The following RNF215 variants were observed in gnomAD, a reference collection of about 807,000 sequenced individuals.
RNF215 encodes ring finger protein 215.
In RNF215, 41 loss-of-function variants were observed where a neutral mutation model predicts 44.8. The observed-to-expected ratio is 0.92, with a 90% CI of 0.71 to 1.19. RNF215 has a LOEUF of 1.19. RNF215 is among the 50% of genes most tolerant of loss of function. RNF215 has a pLI of 0.00. For synonymous variants in RNF215, 218 were observed against 230.1 expected (o/e 0.95, Z 0.48); for missense variants, 452 against 496.2 (o/e 0.91, Z 0.85).
intron 1 of RNF215, 59 bp from the exon 2 acceptor site, chr22:30,386,818 G>T: frequency 6.4e-7 from 1 of 1,560,268 alleles, no homozygotes; most frequent in Non-Finnish European, 8.6e-7. Context: ...AGGGAGCCGG[G>T]GTCATCACAG....
chr22:30,385,393 G>A (rs1369062145), intron 4 of RNF215, among the ~76,000 whole-genome samples: 4 of 146,924 alleles, frequency 2.7e-5, no homozygotes, highest in African/African-American at 7.7e-5. Flanking sequence ...CTGCACTCCA[G>A]CCTGGGTGAC....
rs1227116989 is a variant in RNF215, at chr22:30,386,621, G to A, written c.424C>T (p.Gln142Ter). 1.2e-6 allele frequency: 2 copies of A among 1,612,280 alleles called. No homozygotes were observed. Among genetic ancestry groups the A allele is most frequent in the Admixed American group, 1.7e-5 (1 of 59,916 alleles). ...CCCATAGACATCCCCTGCACCTGCT[G>A]GACCAGGGCCTTGGGATAGGCCTGC... Reference protein sequence around the residue: ...GPQAYPKALVQQMRRALFLGA... With the variant: ...GPQAYPKALV The change falls in exon 2 of 9, where the codon CAG becomes TAG. Residue 142 changes from glutamine to a stop codon, truncating the protein, a stop_gained. Coordinates refer to ENST00000382363, the MANE Select transcript of RNF215 (RefSeq NM_001017981.2). LOFTEE classifies it high-confidence loss of function.
chr22:30,380,416 A>T lies in RNF215; in HGVS notation c.745-15T>A. 1.3e-6 allele frequency: 2 copies of T among 1,594,728 alleles called. No homozygotes were observed. The highest frequency in any genetic ancestry group is 2.7e-5 in the African/African-American group (2 of 74,502). On this transcript the variant is annotated splice_polypyrimidine_tract_variant and intron_variant, in intron 5 of 8. Coordinates refer to ENST00000382363, the MANE Select transcript of RNF215 (RefSeq NM_001017981.2). The surrounding 1 kb of genome is among the most constrained non-coding windows in gnomAD (Gnocchi z 5.3). ...TGCAGGGGTTTCTGGGGAGGGAAGC[A>T]GTCATCAGGGACATGGGGCCACCCC...
intron 5 of RNF215, among the ~76,000 whole-genome samples, chr22:30,382,229 C>A (rs1402365597): frequency 6.6e-6 from 1 of 152,032 alleles, no homozygotes; most frequent in Non-Finnish European, 1.5e-5. Context: ...TGGAGAAACC[C>A]CGTCTCAACT....
chr22:30,385,014 T>C (rs1379781789), intron 4 of RNF215, among the ~76,000 whole-genome samples: 2 of 152,148 alleles, frequency 1.3e-5, no homozygotes, highest in Non-Finnish European at 1.5e-5. Context: ...AGTCTTGCCA[T>C]GTTGCCCAGG....
At chr22:30,382,404 C>CAAAA (rs796940204) in intron 5 of RNF215, among the ~76,000 whole-genome samples, 2 of 65,768 alleles carry the variant, frequency 3.0e-5, no homozygotes, top group Non-Finnish European at 3.1e-5. Context: ...AACTCTGTCT[C>CAAAA]AAAAAAAAAA....
At chr22:30,386,256 C>T in intron 2 of RNF215, 115 bp from the exon 3 acceptor site, 1 of 973,528 alleles carries the variant, frequency 1.0e-6, no homozygotes, top group Admixed American at 2.3e-5. Context: ...AAACTCTGGA[C>T]AGACTGCCAT....
Position 30,379,740 on chromosome 22 carries a change from G to A in RNF215, c.1082C>T (p.Thr361Ile), listed in dbSNP as rs149275092. 2,767 of 1,565,520 alleles carry A rather than the reference G, an allele frequency of 1.8e-3. 2 individuals are homozygous for A. Among genetic ancestry groups the A allele is most frequent in the Non-Finnish European group, 2.1e-3 (2,396 of 1,155,510 alleles). Reference protein sequence around the residue: ...CVDPWLMLQQTCPLCKFNVLG... With the variant: ...CVDPWLMLQQICPLCKFNVLG... ...GACGTTGAATTTGCACAGTGGGCAG[G>A]TCTGCTGGAGCATCAGCCAGGGGTC... The change falls in exon 8 of 9, where the codon ACC becomes ATC. Residue 361 changes from threonine (T) to isoleucine (I), a missense_variant. Thr to Ile is a moderately conservative substitution (Grantham distance 89). Coordinates refer to ENST00000382363, the MANE Select transcript of RNF215 (RefSeq NM_001017981.2).
chr22:30,383,546 C>T (rs1290583550), intron 5 of RNF215, among the ~76,000 whole-genome samples: 1 of 152,192 alleles, frequency 6.6e-6, no homozygotes, highest in Non-Finnish European at 1.5e-5. Flanking sequence ...CCTGCACAGC[C>T]CACGGTGGCC....
chr22:30,386,248 ACT>A (rs1300136709), intron 2 of RNF215, 107 bp from the exon 3 acceptor site: 1 of 1,040,274 alleles, frequency 9.6e-7, no homozygotes, highest in Non-Finnish European at 1.4e-6. Flanking sequence ...AGTGAGCAAA[ACT>A]CTGGACAGAC....
chr22:30,384,775 T>C, intron 4 of RNF215: 1 of 332,558 alleles, frequency 3.0e-6, no homozygotes, highest in South Asian at 5.8e-5. Context: ...CTCCTTCCCA[T>C]CCCCTCACCC....
chr22:30,380,129 G>A lies in RNF215; in HGVS notation c.941C>T (p.Ala314Val), dbSNP rs760311149. ...AGCACCCGGATCTGGGAGGCCCTGC[G>A]CTGCCCTGCTCAGCCGGCAGCGCCG... Reference protein sequence around the residue: ...KTRRCRLSRAAQGLPDPGAET... With the variant: ...KTRRCRLSRAVQGLPDPGAET... The change falls in exon 7 of 9, where the codon GCG (alanine) becomes GTG (valine). Residue 314 changes from alanine to valine, a missense_variant. Physicochemically the swap from Ala to Val is moderately conservative, Grantham distance 64 (BLOSUM62 0). Coordinates refer to ENST00000382363, the MANE Select transcript of RNF215 (RefSeq NM_001017981.2). This position sits in a 1 kb window ranked among gnomAD's most constrained non-coding sequence, Gnocchi z 5.3. 1.5e-5 allele frequency: 25 copies of A among 1,613,718 alleles called. No homozygotes were observed. Among genetic ancestry groups the A allele is most frequent in the East Asian group, 1.3e-4 (6 of 44,888 alleles).
Position 30,387,382 on chromosome 22 carries a change from C to A in RNF215, c.-69G>T. ...CGGGCGCGGGGGGGATCGGAGGGAG[C>A]GAGGCCGCTGCCGGACGGGGCGGGG... On this transcript the variant is annotated 5_prime_UTR_variant, in exon 1 of 9. Coordinates refer to ENST00000382363, the MANE Select transcript of RNF215 (RefSeq NM_001017981.2). 5.1e-6 allele frequency: 5 copies of A among 985,066 alleles called. No homozygotes were observed. Among genetic ancestry groups the A allele is most frequent in the Non-Finnish European group, 6.1e-6 (5 of 824,876 alleles). 61.0% of individuals were successfully genotyped at this position (985,066 alleles called of 1,614,324 possible). A position where few individuals can be genotyped will look rare whatever the true frequency, so the allele number is the denominator to read the frequency against.
At position 30,384,350 on chromosome 22, in the gene RNF215, C is replaced by T. The variant is rs1247544338; in HGVS notation, c.733G>A (p.Ala245Thr). 3 of 1,613,250 alleles carry T rather than the reference C, an allele frequency of 1.9e-6. No homozygotes were observed. The highest frequency in any genetic ancestry group is 1.3e-5 in the African/African-American group (1 of 74,908). ...CTGCTAGCACCCACCTGCTCCTGGG[C>T]ACGACTGCCTCCAAGGCAGACCAAG... ...QDLVCLGGSRAQEQKPLQQLW... is the reference protein window; with the variant it reads ...QDLVCLGGSRTQEQKPLQQLW... The change falls in exon 5 of 9, where the codon GCC becomes ACC. Residue 245 changes from alanine (A) to threonine (T), a missense_variant. Coordinates refer to ENST00000382363, the MANE Select transcript of RNF215 (RefSeq NM_001017981.2).
At position 30,387,081 on chromosome 22, in the gene RNF215, C is replaced by T. The variant is rs766553758; in HGVS notation, c.233G>A (p.Arg78Lys). 6.5e-7 allele frequency: 1 copy of T among 1,540,094 alleles called. No individual in the cohort carries two copies. The highest frequency in any genetic ancestry group is 1.2e-5 in the South Asian group (1 of 84,280). The change falls in exon 1 of 9, where the codon AGG (arginine) becomes AAG (lysine). Residue 78 changes from arginine to lysine, a missense_variant. Coordinates refer to ENST00000382363, the MANE Select transcript of RNF215 (RefSeq NM_001017981.2). ...RQDALVLEGV[R>K]IGSEADPAPL... ...CGCCGGGTCGGCTTCGGAGCCGATC[C>T]TGACGCCCTCCAGGACCAGAGCGTC...
rs915144012 is a variant in RNF215, at chr22:30,387,379, G to C, written c.-66C>G. The C allele has an allele frequency of 1.0e-6, 1 of 1,004,958 alleles. No individual in the cohort carries two copies. The highest frequency in any genetic ancestry group is 5.7e-5 in the Admixed American group (1 of 17,528). The allele number at this position is 1,004,958 out of a possible 1,614,324, so 62.3% of individuals were successfully genotyped here. A position where few individuals can be genotyped will look rare whatever the true frequency, so the allele number is the denominator to read the frequency against. ...TCCCGGGCGCGGGGGGGATCGGAGG[G>C]AGCGAGGCCGCTGCCGGACGGGGCG... is the stretch of plus-strand genomic sequence containing the variant. On this transcript the variant is annotated 5_prime_UTR_variant, in exon 1 of 9. Coordinates refer to ENST00000382363, the MANE Select transcript of RNF215 (RefSeq NM_001017981.2).
Position 30,380,077 on chromosome 22 carries a change from G to T in RNF215, c.993C>A (p.Tyr331Ter), listed in dbSNP as rs755815316. 7 of 1,613,842 alleles carry T rather than the reference G, an allele frequency of 4.3e-6. No individual in the cohort carries two copies. The highest frequency in any genetic ancestry group is 2.7e-5 in the African/African-American group (2 of 74,894). ...GAETCAVCLDYFCNKQWLRVL... is the reference protein window; with the variant it reads ...GAETCAVCLD ...GGGCACTAGCCTGTTTGTTGCAGAA[G>T]TAGTCCAGGCACACCGCACAGGTCT... is the stretch of plus-strand genomic sequence containing the variant. The change falls in exon 7 of 9, where the codon TAC (tyrosine) becomes TAA (stop). Residue 331 changes from tyrosine (Y) to a stop codon, truncating the protein, a stop_gained. Transcript: ENST00000382363. LOFTEE classifies it high-confidence loss of function. This position sits in a 1 kb window ranked among gnomAD's most constrained non-coding sequence, Gnocchi z 5.3.
chr22:30,380,433 G>C lies in RNF215; in HGVS notation c.745-32C>G, dbSNP rs745810595. ...AGGGAAGCAGTCATCAGGGACATGG[G>C]GCCACCCCCACACGCCTCCCTTAGG... On this transcript the variant is annotated intron_variant, in intron 5 of 8. Coordinates refer to ENST00000382363, the MANE Select transcript of RNF215 (RefSeq NM_001017981.2). The surrounding 1 kb of genome is among the most constrained non-coding windows in gnomAD (Gnocchi z 5.3). The C allele has an allele frequency of 1.3e-6, 2 of 1,575,748 alleles. No individual in the cohort carries two copies. The highest frequency in any genetic ancestry group is 1.7e-6 in the Non-Finnish European group (2 of 1,160,168).
At chr22:30,379,969 GAA>G (rs1569198243) in intron 7 of RNF215, 91 bp downstream of exon 7, 1 of 1,575,358 alleles carries the variant, frequency 6.3e-7, no homozygotes, top group Non-Finnish European at 8.7e-7. Context: ...GGCTGAAGGA[GAA>G]GGGCCTGGTG....
Sources: allele counts gnomAD v4.1 joint callset (sites outside exome capture counted in the v4.1 genomes callset), GRCh38; gene constraint gnomAD v4.1.1; non-coding constraint Gnocchi (gnomAD v3.1); transcripts MANE v1.5; gene names NCBI Gene and HGNC (gene_info 2026-07-23, HGNC 2026-07-21).